ASL: variants seen among roughly 807,000 people sequenced by gnomAD.
ASL encodes argininosuccinate lyase, also known as argininosuccinase.
Under a neutral mutation model 69.1 loss-of-function variants are expected in ASL, and 51 were observed. The ratio of observed to expected loss-of-function variants is 0.74; its 90% CI spans 0.59 to 0.93. The LOEUF is 0.93. Among genes scored for constraint, ASL ranks in the 40% least tolerant of loss-of-function variants. The probability of loss-of-function intolerance (pLI) is 0.00; values close to 1 mark genes in which losing one functional copy is unlikely to be tolerated. For missense variants in ASL, 540 were observed against 623.9 expected (o/e 0.87, Z 1.43); for synonymous variants, 241 against 247.6 (o/e 0.97, Z 0.25).
rs369194533 is a variant in ASL, at chr7:66,089,071, G to A, written c.834-20G>A. On this transcript the variant is annotated intron_variant, in intron 11 of 16. Coordinates refer to ENST00000304874, the MANE Select transcript of ASL (RefSeq NM_000048.4). ...CAGCCAAGGGTCCAGCCCCTTCAGC[G>A]CCAGCACCTCTGTCCCCAGCACGGG... 1.2e-6 allele frequency: 2 copies of A among 1,613,622 alleles called. No individual in the cohort carries two copies. The highest frequency in any genetic ancestry group is 1.7e-6 in the Non-Finnish European group (2 of 1,179,870).
Position 66,092,661 on chromosome 7 carries a change from C to A in ASL, c.1248C>A (p.Ile416=). 1 of 1,613,806 alleles carries A rather than the reference C, an allele frequency of 6.2e-7. No individual in the cohort carries two copies. Among genetic ancestry groups the A allele is most frequent in the Non-Finnish European group, 8.5e-7 (1 of 1,180,004 alleles). ...NQLSLQELQT[I]SPLFSGDVIC... ...TGTCACTGCAGGAGCTGCAGACCAT[C>A]AGGTACGGCCCATCCCCTTCCCCAT... The change falls in exon 16 of 17, where the codon ATC becomes ATA. Residue 416 remains isoleucine (I), a splice_region_variant and synonymous_variant. Coordinates refer to ENST00000304874, the MANE Select transcript of ASL (RefSeq NM_000048.4).
chr7:66,089,259 C>T lies in ASL; in HGVS notation c.919-17C>T. 6.2e-7 allele frequency: 1 copy of T among 1,610,892 alleles called. No homozygotes were observed. Among genetic ancestry groups the T allele is most frequent in the Non-Finnish European group, 8.5e-7 (1 of 1,178,824 alleles). On this transcript the variant is annotated splice_polypyrimidine_tract_variant and intron_variant, in intron 12 of 16. Coordinates refer to ENST00000304874, the MANE Select transcript of ASL (RefSeq NM_000048.4). ...CAGGATCCCGGGTCCAGCCCCTGTG[C>T]CTCCCTCTTCCCGCAGTGTGCCGGG...
At position 66,081,973 on chromosome 7, in the gene ASL, C is replaced by T. The variant is rs73374672; in HGVS notation, c.183C>T (p.Asp61=). 724 of 1,611,460 alleles carry T rather than the reference C, an allele frequency of 4.5e-4. 2 individuals carry two copies. The African/African-American group carries it at 8.7e-3, about 19-fold the overall frequency. The change falls in exon 3 of 17, where the codon GAC becomes GAT. Residue 61 remains aspartate, a synonymous_variant. Coordinates refer to ENST00000304874, the MANE Select transcript of ASL (RefSeq NM_000048.4). Reference sequence around the variant, plus strand: ...GGCTCCTCACCAAGGCCGAGATGGACCAGATACTCCATGGCCTAGACAAGG... The same window carrying T: ...GGCTCCTCACCAAGGCCGAGATGGATCAGATACTCCATGGCCTAGACAAGG... ...KAGLLTKAEM[D]QILHGLDKVA... is the part of the protein sequence containing the mutation.
chr7:66,082,005 C>A lies in ASL; in HGVS notation c.207+8C>A. ...CTCCATGGCCTAGACAAGGTACTTG[C>A]CGTGGCCCAAGCCCCACCCAAGGCC... On this transcript the variant is annotated splice_region_variant and intron_variant, in intron 3 of 16. Transcript: ENST00000304874. 1 of 1,595,496 alleles carries A rather than the reference C, an allele frequency of 6.3e-7. No homozygotes were observed. Among genetic ancestry groups the A allele is most frequent in the East Asian group, 2.3e-5 (1 of 44,158 alleles).
rs144716217 is a variant in ASL, at chr7:66,092,655, G to T, written c.1242G>T (p.Gln414His). Residue 414 changes from glutamine (Q) to histidine (H), a missense_variant, in exon 16 of 17, where the codon CAG becomes CAT. Coordinates refer to ENST00000304874, the MANE Select transcript of ASL (RefSeq NM_000048.4). ...ALNQLSLQEL[Q>H]TISPLFSGDV... ...ACCAGCTGTCACTGCAGGAGCTGCA[G>T]ACCATCAGGTACGGCCCATCCCCTT... is the stretch of plus-strand genomic sequence containing the variant. 9.3e-6 allele frequency: 15 copies of T among 1,613,614 alleles called. No homozygotes were observed. Among genetic ancestry groups the T allele is most frequent in the African/African-American group, 1.3e-5 (1 of 74,912 alleles).
intron 2 of ASL, among the ~76,000 whole-genome samples, chr7:66,078,823 T>TGA (rs1246708558): frequency 6.6e-6 from 1 of 151,920 alleles, no homozygotes; most frequent in Non-Finnish European, 1.5e-5. Flanking sequence ...TTAGTACAGA[T>TGA]GAGGTTTCAC....
At position 66,089,365 on chromosome 7, in the gene ASL, C is replaced by G. The variant is rs160647; in HGVS notation, c.978+30C>G. ...GAGGCCGGGGGAGGCCTGGCTAGTA[C>G]GTGCCAGTTCTCAGGGCTCTGGCAC... On this transcript the variant is annotated intron_variant, in intron 13 of 16. Transcript: ENST00000304874. The G allele has an allele frequency of 1.5e-5, 23 of 1,579,908 alleles. No homozygotes were observed. The East Asian group carries it at 4.6e-4, about 32-fold the overall frequency.
At chr7:66,080,630 G>A (rs1274252158) in intron 2 of ASL, among the ~76,000 whole-genome samples, 1 of 150,780 alleles carries the variant, frequency 6.6e-6, no homozygotes, top group African/African-American at 2.4e-5. Context: ...GGCTGAGGCA[G>A]GAAAATTGGC....
chr7:66,086,850 C>A, intron 8 of ASL, 29 bp downstream of exon 8: 1 of 1,554,430 alleles, frequency 6.4e-7, no homozygotes, highest in Non-Finnish European at 8.7e-7. Flanking sequence ...CCCCGAGGGC[C>A]TGGTGGGGGT....
In ASL at chr7:66,082,938, T is replaced by C. The variant is rs200453326; in HGVS notation, c.348+2T>C. 1 of 1,613,530 alleles carries C rather than the reference T, an allele frequency of 6.2e-7. No individual in the cohort carries two copies. The highest frequency in any genetic ancestry group is 8.5e-7 in the Non-Finnish European group (1 of 1,179,956). On this transcript the variant is annotated splice_donor_variant, in intron 5 of 16. Coordinates refer to ENST00000304874, the MANE Select transcript of ASL (RefSeq NM_000048.4). LOFTEE classifies it high-confidence loss of function. ...ACGGGACGGAGCCGGAATGACCAGG[T>C]GCTTTAGCCCCTCCACCCCCTGCTC...
chr7:66,087,419 A>G, intron 9 of ASL, 33 bp downstream of exon 9: 1 of 1,604,814 alleles, frequency 6.2e-7, no homozygotes. Context: ...CCCAGGGAGA[A>G]TCACCCTCAG....
intron 6 of ASL, among the ~76,000 whole-genome samples, chr7:66,086,331 G>T (rs1383955122): frequency 6.6e-6 from 1 of 152,190 alleles, no homozygotes; most frequent in Non-Finnish European, 1.5e-5. Flanking sequence ...GGCTGGACTT[G>T]GGGTGTTTCT....
chr7:66,089,657 G>A lies in ASL; in HGVS notation c.1024G>A (p.Val342Met), dbSNP rs375200087. 20 of 1,613,762 alleles carry A rather than the reference G, an allele frequency of 1.2e-5. No individual in the cohort carries two copies. The highest frequency in any genetic ancestry group is 1.6e-4 in the Middle Eastern group (1 of 6,084). ...VFEVSDTMSA[V>M]LQVATGVIST... ...TGAAGTGTCAGACACTATGAGTGCCGTGCTCCAGGTGGCCACTGGCGTCAT... is the reference window on the plus strand; with the variant it reads ...TGAAGTGTCAGACACTATGAGTGCCATGCTCCAGGTGGCCACTGGCGTCAT... The change falls in exon 14 of 17, where the codon GTG becomes ATG. Residue 342 changes from valine to methionine, a missense_variant. Transcript: ENST00000304874.
intron 6 of ASL, 69 bp downstream of exon 6, chr7:66,083,243 G>A (rs1301726484): frequency 6.4e-7 from 1 of 1,551,592 alleles, no homozygotes; most frequent in East Asian, 2.3e-5. Flanking sequence ...AGACCTAGGG[G>A]GCAGGGGTGA....
In ASL at chr7:66,088,927, C is replaced by T; in HGVS notation, c.833+6C>T. ...CAGCTCTCAGATGCCTACAGGTAAG[C>T]CCTGAACTGCCACCTCCATCTGCCG... On this transcript the variant is annotated splice_donor_region_variant and intron_variant, in intron 11 of 16. Coordinates refer to ENST00000304874, the MANE Select transcript of ASL (RefSeq NM_000048.4). 1 of 1,613,046 alleles carries T rather than the reference C, an allele frequency of 6.2e-7. No homozygotes were observed. Among genetic ancestry groups the T allele is most frequent in the Non-Finnish European group, 8.5e-7 (1 of 1,179,392 alleles).
At chr7:66,087,871 A>T in intron 10 of ASL, 80 bp downstream of exon 10, 1 of 1,545,512 alleles carries the variant, frequency 6.5e-7, no homozygotes, top group Non-Finnish European at 8.9e-7. Flanking sequence ...TTCCTCCCAC[A>T]CCTCCACGGA....
intron 2 of ASL, 45 bp from the exon 3 acceptor site, chr7:66,081,758 C>A: frequency 1.3e-6 from 2 of 1,595,698 alleles, no homozygotes; most frequent in Non-Finnish European, 1.7e-6. Context: ...AAGCACTGTT[C>A]TGGAGGGTGG....
intron 6 of ASL, among the ~76,000 whole-genome samples, chr7:66,085,498 G>T (rs568603466): frequency 6.6e-6 from 1 of 152,146 alleles, no homozygotes; most frequent in East Asian, 1.9e-4. Flanking sequence ...AAAAAAACAG[G>T]CCAGGTATGG....
intron 2 of ASL, among the ~76,000 whole-genome samples, chr7:66,081,421 G>A (rs1319278318): frequency 6.6e-6 from 1 of 151,856 alleles, no homozygotes; most frequent in Non-Finnish European, 1.5e-5. Context: ...CTCTACTAAT[G>A]ATACAAAAAT....
Sources: gnomAD v4.1 joint callset for allele counts (sites outside exome capture counted in the v4.1 genomes callset) on GRCh38, gnomAD v4.1.1 for gene constraint, MANE v1.5 for transcripts, NCBI Gene and HGNC (gene_info 2026-07-23, HGNC 2026-07-21) for gene names.